PDE1C: variants seen among roughly 807,000 people sequenced by gnomAD.
PDE1C encodes the protein phosphodiesterase 1C.
Under a neutral mutation model 93.1 loss-of-function variants are expected in PDE1C, and 62 were observed. That is an observed-to-expected ratio of 0.67 (90% confidence interval 0.54 to 0.82). The LOEUF is 0.82. PDE1C is among the 40% of genes least tolerant of loss of function. The pLI is 0.00. For missense variants in PDE1C, 742 were observed against 884.6 expected (o/e 0.84, Z 2.04); for synonymous variants, 325 against 310.1 (o/e 1.05, Z -0.50).
At chr7:31,881,354 G>T (rs1438154821) in intron 2 of PDE1C, among the ~76,000 whole-genome samples, 1 of 152,062 alleles carries the variant, frequency 6.6e-6, no homozygotes, top group Non-Finnish European at 1.5e-5. Context: ...AGGAATAGAT[G>T]AAAGTAAATT....
At chr7:31,647,655 C>G in the PDE1C span, among the ~76,000 whole-genome samples, 21,381 of 115,580 alleles carry the variant, frequency 0.18, 2,086 homozygotes, top group Middle Eastern at 0.3. Context: ...GCCTGAGCAA[C>G]AGAGAGAGTC....
At chr7:32,370,759 A>G (rs1258247558) in intron 1 of PDE1C, among the ~76,000 whole-genome samples, 1 of 150,666 alleles carries the variant, frequency 6.6e-6, no homozygotes, top group Non-Finnish European at 1.5e-5. Context: ...CACGTTGTGC[A>G]CATGTACCCT....
intron 1 of PDE1C, among the ~76,000 whole-genome samples, chr7:32,419,056 G>A (rs943254872): frequency 6.6e-6 from 1 of 152,154 alleles, no homozygotes; most frequent in Non-Finnish European, 1.5e-5. Flanking sequence ...AGGAAAAAAT[G>A]GCAACCTGTT....
chr7:31,984,185 G>C (rs1783070975), intron 2 of PDE1C, among the ~76,000 whole-genome samples: 2 of 152,156 alleles, frequency 1.3e-5, no homozygotes, highest in South Asian at 4.1e-4. Flanking sequence ...GAGGTGAGCA[G>C]CTGGCAAGCG....
chr7:32,263,422 T>C (rs1293563142), intron 1 of PDE1C, among the ~76,000 whole-genome samples: 2 of 152,130 alleles, frequency 1.3e-5, no homozygotes, highest in Non-Finnish European at 2.9e-5. Flanking sequence ...TTATTTATTT[T>C]TCTGAACCAT....
the PDE1C span, among the ~76,000 whole-genome samples, chr7:31,642,015 G>A: frequency 1.3e-5 from 2 of 152,150 alleles, no homozygotes; most frequent in Non-Finnish European, 1.5e-5. Flanking sequence ...TCTGACAATC[G>A]AGAAAAAAAT....
intron 16 of PDE1C, among the ~76,000 whole-genome samples, chr7:31,801,608 T>G (rs1489248630): frequency 6.6e-6 from 1 of 151,498 alleles, no homozygotes; most frequent in Non-Finnish European, 1.5e-5. Context: ...TAATAATGTC[T>G]CCAAATAAAT....
chr7:32,065,782 A>T (rs1241032650), intron 1 of PDE1C, among the ~76,000 whole-genome samples: 1 of 152,234 alleles, frequency 6.6e-6, no homozygotes, highest in East Asian at 1.9e-4. Flanking sequence ...TTTTCTCCTC[A>T]TCTTTGCTGT....
Position 32,367,032 on chromosome 7 carries a change from A to C in PDE1C, c.310+60790T>G, listed in dbSNP as rs140894657. Among the ~76,000 whole-genome samples, 1,035 of 152,292 alleles carry C rather than the reference A, an allele frequency of 6.8e-3. 3 individuals carry two copies. The highest frequency in any genetic ancestry group is 0.012 in the Non-Finnish European group (798 of 68,034). On this transcript the variant is annotated intron_variant, in intron 1 of 1. Coordinates refer to the PDE1C transcript ENST00000672256. Reference sequence around the variant, plus strand: ...TGACAGAGTGAGACTCCATCAAAAAAAAAGAAAAGAAAAAGAGAAGTCTGC... The same window carrying C: ...TGACAGAGTGAGACTCCATCAAAAACAAAGAAAAGAAAAAGAGAAGTCTGC...
intron 2 of PDE1C, among the ~76,000 whole-genome samples, chr7:32,198,361 G>C (rs1804762024): frequency 1.3e-5 from 2 of 152,154 alleles, no homozygotes; most frequent in Non-Finnish European, 2.9e-5. Flanking sequence ...AGATACATCA[G>C]TTATGATTAG....
At chr7:31,716,759 C>A in the PDE1C span, among the ~76,000 whole-genome samples, 4 of 152,070 alleles carry the variant, frequency 2.6e-5, no homozygotes, top group Non-Finnish European at 5.9e-5. Context: ...AAAAGGAAAG[C>A]ACAGGAAAGA....
chr7:31,985,202 G>T (rs1783213263), intron 2 of PDE1C, among the ~76,000 whole-genome samples: 1 of 152,074 alleles, frequency 6.6e-6, no homozygotes, highest in Admixed American at 6.5e-5. Flanking sequence ...AATAAGACCA[G>T]ATCATCATAG....
At chr7:32,189,291 G>T (rs1804076849) in intron 2 of PDE1C, among the ~76,000 whole-genome samples, 2 of 152,206 alleles carry the variant, frequency 1.3e-5, no homozygotes, top group East Asian at 3.8e-4. Context: ...AAGCTTATCT[G>T]TTAGCAGTGA....
chr7:31,998,310 C>T (rs1044845954), intron 2 of PDE1C, among the ~76,000 whole-genome samples: 23 of 152,308 alleles, frequency 1.5e-4, no homozygotes, highest in African/African-American at 4.1e-4. Context: ...TGAGCCACCA[C>T]ACCCAGCCAG....
intron 1 of PDE1C, among the ~76,000 whole-genome samples, chr7:32,279,786 C>T (rs543920175): frequency 6.6e-5 from 10 of 151,720 alleles, no homozygotes; most frequent in South Asian, 2.1e-4. Flanking sequence ...ACTATAAACT[C>T]GGGTCAAAAA....
chr7:32,107,014 A>C (rs1798350422), intron 3 of PDE1C, among the ~76,000 whole-genome samples: 2 of 151,354 alleles, frequency 1.3e-5, no homozygotes, highest in Non-Finnish European at 2.9e-5. Flanking sequence ...GCCAGAAATA[A>C]ATTTTAAAAA....
At chr7:31,994,597 T>C (rs1405095617) in intron 2 of PDE1C, among the ~76,000 whole-genome samples, 1 of 152,212 alleles carries the variant, frequency 6.6e-6, no homozygotes, top group East Asian at 1.9e-4. Context: ...GCAAAGTGAG[T>C]TCTTCGTAGC....
chr7:31,663,868 C>T, the PDE1C span, among the ~76,000 whole-genome samples: 13 of 152,278 alleles, frequency 8.5e-5, no homozygotes, highest in South Asian at 4.1e-4. Flanking sequence ...CATTTCTGCA[C>T]GTATTTCATT....
chr7:31,798,988 AT>A (rs905435348), intron 16 of PDE1C, among the ~76,000 whole-genome samples: 14 of 149,266 alleles, frequency 9.4e-5, no homozygotes, highest in African/African-American at 1.7e-4. Flanking sequence ...GTATGGGGAC[AT>A]TTTTTTTTTG....
Sources: gnomAD v4.1 joint callset for allele counts (sites outside exome capture counted in the v4.1 genomes callset) on GRCh38, gnomAD v4.1.1 for gene constraint, MANE v1.5 for transcripts, NCBI Gene and HGNC (gene_info 2026-07-23, HGNC 2026-07-21) for gene names.